The following DPF3 variants were observed in gnomAD, a reference collection of about 807,000 sequenced individuals.
DPF3 encodes the protein zinc finger protein DPF3.
In DPF3, 18 loss-of-function variants were observed where a neutral mutation model predicts 56.8. That is an observed-to-expected ratio of 0.32 (90% confidence interval 0.22 to 0.47). The LOEUF (loss-of-function observed/expected upper bound fraction) is 0.47. Among genes scored for constraint, DPF3 ranks in the 20% least tolerant of loss-of-function variants. The probability of loss-of-function intolerance (pLI) is 1.00; values close to 1 mark genes in which losing one functional copy is unlikely to be tolerated. For synonymous variants in DPF3, 188 were observed against 180.2 expected (o/e 1.04, Z -0.35); for missense variants, 403 against 488.8 (o/e 0.82, Z 1.65).
intron 3 of DPF3, among the ~76,000 whole-genome samples, chr14:72,746,718 G>A (rs188850588): frequency 2.2e-4 from 34 of 152,348 alleles, no homozygotes; most frequent in Non-Finnish European, 4.1e-4. Flanking sequence ...CCTTCCCCGG[G>A]ACCCTGCCCA....
At chr14:72,781,377 G>A (rs1891963318) in intron 1 of DPF3, among the ~76,000 whole-genome samples, 1 of 152,152 alleles carries the variant, frequency 6.6e-6, no homozygotes, top group South Asian at 2.1e-4. Context: ...GGCACATTGG[G>A]GACAAAGGTA....
At chr14:72,658,585 C>T (rs1230161096) in intron 8 of DPF3, among the ~76,000 whole-genome samples, 1 of 152,142 alleles carries the variant, frequency 6.6e-6, no homozygotes, top group East Asian at 1.9e-4. Flanking sequence ...AGAAGGTCTT[C>T]CAGGTACATG....
chr14:72,815,672 C>T (rs1343835229), intron 1 of DPF3, among the ~76,000 whole-genome samples: 1 of 152,226 alleles, frequency 6.6e-6, no homozygotes. Context: ...GTCTTAAACG[C>T]ATGGTATCAG....
chr14:72,893,606 G>A (rs1199715789), intron 1 of DPF3, among the ~76,000 whole-genome samples: 2 of 151,752 alleles, frequency 1.3e-5, no homozygotes, highest in Admixed American at 1.3e-4. Context: ...GGCGGGGGCC[G>A]CGGGCTCGGG....
intron 8 of DPF3, chr14:72,669,824 C>G: frequency 1.1e-6 from 1 of 906,976 alleles, no homozygotes; most frequent in Non-Finnish European, 1.3e-6. Flanking sequence ...CACTCTTACA[C>G]TAAGAAGGGA....
chr14:72,799,022 A>G (rs1411338553), intron 1 of DPF3, among the ~76,000 whole-genome samples: 2 of 152,174 alleles, frequency 1.3e-5, no homozygotes, highest in African/African-American at 4.8e-5. Flanking sequence ...CTGTGTCCTG[A>G]GGCAGTGCAT....
intron 8 of DPF3, 56 bp downstream of exon 8, chr14:72,674,184 G>C (rs1442090369): frequency 1.3e-6 from 2 of 1,567,736 alleles, no homozygotes; most frequent in African/African-American, 2.7e-5. Context: ...GAAGAGGAAT[G>C]CAAGAGGAGC....
intron 5 of DPF3, among the ~76,000 whole-genome samples, chr14:72,723,005 CT>C (rs34787299): frequency 0.017 from 2,414 of 144,438 alleles, 30 homozygotes; most frequent in African/African-American, 0.021. Context: ...CGGCAAACTT[CT>C]TTTTTTTTTT....
At chr14:72,759,508 A>AAG (rs34502740) in intron 2 of DPF3, among the ~76,000 whole-genome samples, 44,046 of 147,504 alleles carry the variant, frequency 0.3, 7,210 homozygotes, top group Middle Eastern at 0.38. Context: ...GTCTCCACAA[A>AAG]AGAGAGAGAG....
At chr14:72,666,975 A>AC (rs1886468668) in intron 8 of DPF3, among the ~76,000 whole-genome samples, 1 of 152,120 alleles carries the variant, frequency 6.6e-6, no homozygotes, top group Non-Finnish European at 1.5e-5. Context: ...TGAGGTGAGA[A>AC]CCCCCAAACA....
At chr14:72,765,941 G>A (rs574941790) in intron 2 of DPF3, among the ~76,000 whole-genome samples, 3 of 151,938 alleles carry the variant, frequency 2.0e-5, no homozygotes, top group African/African-American at 4.8e-5. Flanking sequence ...AGTATACAGT[G>A]TGTGTTTCTG....
chr14:72,673,422 G>A (rs1383343583), intron 8 of DPF3, among the ~76,000 whole-genome samples: 1 of 152,108 alleles, frequency 6.6e-6, no homozygotes, highest in Non-Finnish European at 1.5e-5. Context: ...CTCACACTGT[G>A]GTCTAGTGCT....
At chr14:72,663,166 C>CAAAA (rs56335418) in intron 8 of DPF3, among the ~76,000 whole-genome samples, 1 of 88,526 alleles carries the variant, frequency 1.1e-5, no homozygotes, top group Admixed American at 1.2e-4. Flanking sequence ...TGGGTGTTAG[C>CAAAA]AAAAAAAAAA....
intron 1 of DPF3, among the ~76,000 whole-genome samples, chr14:72,841,747 C>T (rs935795948): frequency 3.3e-5 from 5 of 152,048 alleles, no homozygotes; most frequent in Non-Finnish European, 5.9e-5. Context: ...GGAGAAGACA[C>T]GGTAAAATCA....
chr14:72,805,051 G>GACACACGGACACACACACACACACAC (rs1882695149), intron 1 of DPF3, among the ~76,000 whole-genome samples: 1 of 146,364 alleles, frequency 6.8e-6, no homozygotes. Context: ...CACAGCCCTG[G>GACACACGGACACACACACACACACAC]ACACACACAC....
At chr14:72,765,722 T>C (rs1599422099) in intron 2 of DPF3, among the ~76,000 whole-genome samples, 1 of 151,996 alleles carries the variant, frequency 6.6e-6, no homozygotes, top group East Asian at 1.9e-4. Context: ...CCGAGGCGGG[T>C]GGATCACGAG....
intron 3 of DPF3, among the ~76,000 whole-genome samples, chr14:72,734,408 T>C (rs1889802033): frequency 6.6e-6 from 1 of 152,164 alleles, no homozygotes; most frequent in African/African-American, 2.4e-5. Context: ...TCTGATGACA[T>C]ATTACTCTTT....
intron 1 of DPF3, among the ~76,000 whole-genome samples, chr14:72,882,892 C>A (rs1230276017): frequency 6.6e-6 from 1 of 152,090 alleles, no homozygotes; most frequent in South Asian, 2.1e-4. Flanking sequence ...CTTTGCCCTG[C>A]CAAAAAACAA....
At chr14:72,882,862 T>C (rs922788144) in intron 1 of DPF3, among the ~76,000 whole-genome samples, 1 of 152,018 alleles carries the variant, frequency 6.6e-6, no homozygotes, top group African/African-American at 2.4e-5. Flanking sequence ...GCAGTCAGCC[T>C]CCTGGTTTGC....
Sources: gnomAD v4.1 joint callset for allele counts (sites outside exome capture counted in the v4.1 genomes callset) on GRCh38, gnomAD v4.1.1 for gene constraint, MANE v1.5 for transcripts, NCBI Gene and HGNC (gene_info 2026-07-23, HGNC 2026-07-21) for gene names.